FOXI1: variants seen among roughly 807,000 people sequenced by gnomAD.
FOXI1 encodes the protein forkhead box I1, also known as forkhead box protein I1.
A neutral mutation model predicts 16.4 loss-of-function variants in FOXI1; 11 were observed. That is an observed-to-expected ratio of 0.67 (90% CI 0.42 to 1.11). The LOEUF is 1.11. Ranked by LOEUF, FOXI1 falls within the 50% of genes least tolerant of loss-of-function variation. The pLI, the probability that FOXI1 is intolerant of heterozygous loss-of-function variation, is 0.00. For missense variants in FOXI1, 480 were observed against 506.1 expected (o/e 0.95, Z 0.49); for synonymous variants, 218 against 211.5 (o/e 1.03, Z -0.27).
In FOXI1 at chr5:170,108,737, T is replaced by C. The variant is rs920872360; in HGVS notation, c.*126T>C. ...GACATAAGCAGGAGCCTCCGAGGAA[T>C]CCACCCTCTTTCTAGAACACTGGTT... is the stretch of plus-strand genomic sequence containing the variant. On this transcript the variant is annotated 3_prime_UTR_variant, in exon 2 of 2. Coordinates refer to ENST00000306268, the MANE Select transcript of FOXI1 (RefSeq NM_012188.5). 2.7e-6 allele frequency: 2 copies of C among 750,552 alleles called. No homozygotes were observed. The highest frequency in any genetic ancestry group is 4.7e-6 in the Non-Finnish European group (2 of 425,134). 46.5% of individuals were successfully genotyped at this position (750,552 alleles called of 1,614,324 possible).
chr5:170,107,229 C>T (rs1487058223), intron 1 of FOXI1, among the ~76,000 whole-genome samples: 1 of 152,190 alleles, frequency 6.6e-6, no homozygotes, highest in Non-Finnish European at 1.5e-5. Context: ...TTTTCCTTTT[C>T]AACGATGCAT....
chr5:170,106,583 C>G, intron 1 of FOXI1, 52 bp downstream of exon 1: 1 of 1,604,778 alleles, frequency 6.2e-7, no homozygotes, highest in Non-Finnish European at 8.5e-7. Flanking sequence ...TCACTTCCTT[C>G]CTCCCCAAGA....
At position 170,106,405 on chromosome 5, in the gene FOXI1, T is replaced by C. The variant is rs1758488828; in HGVS notation, c.448T>C (p.Tyr150His). 6.2e-7 allele frequency: 1 copy of C among 1,614,100 alleles called. No homozygotes were observed. Among genetic ancestry groups the C allele is most frequent in the African/African-American group, 1.3e-5 (1 of 74,940 alleles). Residue 150 changes from tyrosine to histidine, a missense_variant, in exon 1 of 2, where the codon TAC becomes CAC. This residue lies in a region of FOXI1 where 219 missense variants were observed against 222.9 expected (regional missense o/e 0.98). Coordinates refer to ENST00000306268, the MANE Select transcript of FOXI1 (RefSeq NM_012188.5). ...PDKRLTLSQI[Y>H]QYVADNFPFY... ...CAAGCGCCTCACTCTCAGCCAGATC[T>C]ACCAGTACGTGGCCGACAACTTCCC...
Position 170,106,485 on chromosome 5 carries a change from G to T in FOXI1, c.528G>T (p.Ser176=), listed in dbSNP as rs373094576. 3.3e-5 allele frequency: 54 copies of T among 1,614,142 alleles called. No homozygotes were observed. Among genetic ancestry groups the T allele is most frequent in the Admixed American group, 1.7e-5 (1 of 60,008 alleles). The part of the protein sequence containing the change: ...GWQNSIRHNL[S]LNDCFKKVPR... ...AGAACTCCATCCGCCACAACCTGTC[G>T]CTCAACGACTGCTTCAAGAAGGTGC... The change falls in exon 1 of 2, where the codon TCG becomes TCT. Residue 176 remains serine (S), a synonymous_variant. Coordinates refer to ENST00000306268, the MANE Select transcript of FOXI1 (RefSeq NM_012188.5).
intron 1 of FOXI1, 98 bp downstream of exon 1, chr5:170,106,629 C>A (rs1581592943): frequency 6.6e-7 from 1 of 1,525,260 alleles, no homozygotes; most frequent in East Asian, 2.4e-5. Context: ...GGCTGTGCCC[C>A]CCAAGACTGG....
rs1289359887 is a variant in FOXI1, at chr5:170,108,062, C to T, written c.588C>T (p.Tyr196=). 1 of 1,613,780 alleles carries T rather than the reference C, an allele frequency of 6.2e-7. No individual in the cohort carries two copies. The highest frequency in any genetic ancestry group is 1.1e-5 in the South Asian group (1 of 91,084). ...CTTTTGTATCAGGCAAAGGGAATTA[C>T]TGGACCCTGGACCCCAACTGTGAGA... The part of the protein sequence containing the change: ...RDEDDPGKGN[Y]WTLDPNCEKM... The change falls in exon 2 of 2, where the codon TAC becomes TAT. Residue 196 remains tyrosine (Y), a synonymous_variant. Transcript: ENST00000306268.
chr5:170,107,246 A>C (rs1288658236), intron 1 of FOXI1, among the ~76,000 whole-genome samples: 1 of 152,208 alleles, frequency 6.6e-6, no homozygotes, highest in African/African-American at 2.4e-5. Context: ...GCATTTCTAA[A>C]ACTCAGAGAC....
At chr5:170,107,307 A>T (rs1156723487) in intron 1 of FOXI1, among the ~76,000 whole-genome samples, 1 of 152,210 alleles carries the variant, frequency 6.6e-6, no homozygotes, top group Admixed American at 6.5e-5. Context: ...CCAGAATTAA[A>T]GTCCACTTTT....
rs891707883 is a variant in FOXI1 at position 170,106,551 on chromosome 5, G to A, written c.574+20G>A. The A allele has an allele frequency of 5.6e-6, 9 of 1,613,842 alleles. No individual in the cohort carries two copies. Among genetic ancestry groups the A allele is most frequent in the Middle Eastern group, 1.6e-4 (1 of 6,062 alleles). On this transcript the variant is annotated intron_variant, in intron 1 of 1. Coordinates refer to ENST00000306268, the MANE Select transcript of FOXI1 (RefSeq NM_012188.5). ...ACCCGGGTAAGGAGGCTTTGAGTGT[G>A]GGGGGTGTCCCCAAGGAAGACTCAC... is the stretch of plus-strand genomic sequence containing the variant.
rs1014185625 is a variant in FOXI1 at position 170,106,554 on chromosome 5, G to A, written c.574+23G>A. The A allele has an allele frequency of 5.0e-6, 8 of 1,613,852 alleles. No individual in the cohort carries two copies. The African/African-American group carries it at 9.3e-5, about 19-fold the overall frequency. ...CGGGTAAGGAGGCTTTGAGTGTGGGGGGTGTCCCCAAGGAAGACTCACTTC... is the reference window on the plus strand; with the variant it reads ...CGGGTAAGGAGGCTTTGAGTGTGGGAGGTGTCCCCAAGGAAGACTCACTTC... On this transcript the variant is annotated intron_variant, in intron 1 of 1. Transcript: ENST00000306268.
rs1758601561 is a variant in FOXI1 at position 170,109,488 on chromosome 5, T to A, written c.*877T>A. On this transcript the variant is annotated 3_prime_UTR_variant, in exon 2 of 2. Coordinates refer to ENST00000306268, the MANE Select transcript of FOXI1 (RefSeq NM_012188.5). ...TTCCTGTGTGCATGTCATGGACCAG[T>A]GAGCTGGAGATGGCTGAATCTTCCA... is the stretch of plus-strand genomic sequence containing the variant. The A allele has an allele frequency of 6.6e-6, 1 of 152,116 alleles. No individual in the cohort carries two copies. Among genetic ancestry groups the A allele is most frequent in the Admixed American group, 6.6e-5 (1 of 15,266 alleles). The allele number at this position is 152,116 out of a possible 1,614,324, so 9.4% of individuals were successfully genotyped here. A position where few individuals can be genotyped will look rare whatever the true frequency, so the allele number is the denominator to read the frequency against.
At position 170,108,615 on chromosome 5, in the gene FOXI1, C is replaced by G. The variant is rs1231234837; in HGVS notation, c.*4C>G. Reference sequence around the variant, plus strand: ...CAGGGAGGGCACCGAGGTCTAGGTACAGAACAGCTCCTGAGCCAGGTGGAC... The same window carrying G: ...CAGGGAGGGCACCGAGGTCTAGGTAGAGAACAGCTCCTGAGCCAGGTGGAC... On this transcript the variant is annotated 3_prime_UTR_variant, in exon 2 of 2. Coordinates refer to ENST00000306268, the MANE Select transcript of FOXI1 (RefSeq NM_012188.5). 1 of 1,607,784 alleles carries G rather than the reference C, an allele frequency of 6.2e-7. No homozygotes were observed. Among genetic ancestry groups the G allele is most frequent in the Admixed American group, 1.7e-5 (1 of 59,984 alleles).
At position 170,108,519 on chromosome 5, in the gene FOXI1, G is replaced by A. The variant is rs371742098; in HGVS notation, c.1045G>A (p.Gly349Arg). Residue 349 changes from glycine (G) to arginine (R), a missense_variant, in exon 2 of 2, where the codon GGA becomes AGA. Transcript: ENST00000306268. ...CATGCCCACCAACATGCTCAGCTAT[G>A]GAGGATCTGTGCTCAGCCAATTCAG... Reference protein sequence around the residue: ...NPMPTNMLSYGGSVLSQFSPH... With the variant: ...NPMPTNMLSYRGSVLSQFSPH... 33 of 1,609,760 alleles carry A rather than the reference G, an allele frequency of 2.1e-5. No individual in the cohort carries two copies. Among genetic ancestry groups the A allele is most frequent in the Admixed American group, 1.3e-4 (8 of 59,756 alleles).
At position 170,108,775 on chromosome 5, in the gene FOXI1, T is replaced by A. The variant is rs745922003; in HGVS notation, c.*164T>A. On this transcript the variant is annotated 3_prime_UTR_variant, in exon 2 of 2. Transcript: ENST00000306268. The stretch of plus-strand genomic sequence containing the variant: ...TAGAACACTGGTTAAGGCTTCTGTT[T>A]ATCACACATAGGCCCACACACAGAC... The A allele has an allele frequency of 2.3e-5, 15 of 650,820 alleles. No homozygotes were observed. Among genetic ancestry groups the A allele is most frequent in the Non-Finnish European group, 4.1e-5 (15 of 366,274 alleles). 40.3% of individuals were successfully genotyped at this position (650,820 alleles called of 1,614,324 possible).
intron 1 of FOXI1, chr5:170,106,799 T>C (rs1367492469): frequency 4.1e-6 from 1 of 245,908 alleles, no homozygotes; most frequent in Non-Finnish European, 6.5e-6. Context: ...AAACCAGGGA[T>C]AGTGACAGCA....
intron 1 of FOXI1, chr5:170,106,972 A>C: frequency 4.1e-6 from 4 of 985,330 alleles, no homozygotes; most frequent in Non-Finnish European, 4.8e-6. Flanking sequence ...CCAAAGCCCA[A>C]GGGCATCCCA....
Position 170,108,502 on chromosome 5 carries a change from C to T in FOXI1, c.1028C>T (p.Thr343Ile). 6.2e-7 allele frequency: 1 copy of T among 1,604,124 alleles called. No homozygotes were observed. Among genetic ancestry groups the T allele is most frequent in the South Asian group, 1.1e-5 (1 of 89,838 alleles). The change falls in exon 2 of 2, where the codon ACC (threonine) becomes ATC (isoleucine). Residue 343 changes from threonine (T) to isoleucine (I), a missense_variant. Transcript: ENST00000306268. ...GGGDWANPMP[T>I]NMLSYGGSVL... Reference sequence around the variant, plus strand: ...GGTGACTGGGCGAACCCCATGCCCACCAACATGCTCAGCTATGGAGGATCT... The same window carrying T: ...GGTGACTGGGCGAACCCCATGCCCATCAACATGCTCAGCTATGGAGGATCT...
chr5:170,105,962 G>T lies in FOXI1; in HGVS notation c.5G>T (p.Ser2Ile). 6.2e-7 allele frequency: 1 copy of T among 1,609,040 alleles called. No individual in the cohort carries two copies. Among genetic ancestry groups the T allele is most frequent in the African/African-American group, 1.3e-5 (1 of 74,900 alleles). Residue 2 changes from serine to isoleucine, a missense_variant, in exon 1 of 2, where the codon AGC becomes ATC. Transcript: ENST00000306268. ...TCCGGCCAGCCCAGCCCCAGCATGA[G>T]CTCCTTCGACCTGCCGGCGCCCTCC... MSSFDLPAPSPP... is the reference protein window; with the variant it reads MISFDLPAPSPP...
At chr5:170,106,880 A>G (rs949924870) in intron 1 of FOXI1, 1 of 540,730 alleles carries the variant, frequency 1.8e-6, no homozygotes, top group Non-Finnish European at 2.4e-6. Context: ...CAAGCGCTTA[A>G]TCGCCTGCAG....
Sources: allele counts gnomAD v4.1 joint callset (sites outside exome capture counted in the v4.1 genomes callset), GRCh38; gene constraint gnomAD v4.1.1; regional missense constraint gnomAD v4.1.1; transcripts MANE v1.5; gene names NCBI Gene and HGNC (gene_info 2026-07-23, HGNC 2026-07-21).